Variants in ADGRB3 observed in about 807,000 individuals in gnomAD.
ADGRB3 encodes the protein adhesion G protein-coupled receptor B3.
Under a neutral mutation model 193.4 loss-of-function variants are expected in ADGRB3, and 37 were observed. The observed-to-expected ratio is 0.19, with a 90% CI of 0.15 to 0.25. The LOEUF is 0.25. Among genes scored for constraint, ADGRB3 ranks in the 10% least tolerant of loss-of-function variants. The pLI, the probability that ADGRB3 is intolerant of heterozygous loss-of-function variation, is 1.00. For missense variants in ADGRB3, 1,637 were observed against 1,852.9 expected (o/e 0.88, Z 2.14); for synonymous variants, 690 against 644.2 (o/e 1.07, Z -1.08).
chr6:68,869,481 G>T (rs138841392), intron 3 of ADGRB3, among the ~76,000 whole-genome samples: 57 of 152,198 alleles, frequency 3.7e-4, no homozygotes, highest in African/African-American at 1.3e-3. Flanking sequence ...GAGAAATCAT[G>T]CAAGAACATC....
intron 24 of ADGRB3, among the ~76,000 whole-genome samples, chr6:69,336,110 C>T (rs902143857): frequency 6.6e-6 from 1 of 151,700 alleles, no homozygotes; most frequent in African/African-American, 2.4e-5. Flanking sequence ...CACAGATAAA[C>T]TTGTGTCTCA....
intron 11 of ADGRB3, among the ~76,000 whole-genome samples, chr6:68,995,075 A>G (rs1430467111): frequency 6.6e-6 from 1 of 152,136 alleles, no homozygotes; most frequent in African/African-American, 2.4e-5. Flanking sequence ...ATATTAAATC[A>G]CCACTGTCCG....
chr6:69,107,134 G>A (rs1773238013), intron 17 of ADGRB3, among the ~76,000 whole-genome samples: 1 of 152,084 alleles, frequency 6.6e-6, no homozygotes, highest in South Asian at 2.1e-4. Flanking sequence ...CAAAACAATA[G>A]CCACTATGAC....
At chr6:68,925,511 G>A (rs2150244081) in intron 3 of ADGRB3, among the ~76,000 whole-genome samples, 1 of 152,040 alleles carries the variant, frequency 6.6e-6, no homozygotes, top group East Asian at 1.9e-4. Context: ...TCTTTCACCT[G>A]TCAGCAAATC....
chr6:68,731,295 A>AT (rs1369822917), intron 3 of ADGRB3, among the ~76,000 whole-genome samples: 6 of 151,456 alleles, frequency 4.0e-5, no homozygotes, highest in African/African-American at 7.2e-5. Context: ...TATTGTAAAC[A>AT]TTTTTTTTCC....
chr6:69,049,872 A>G (rs1455493369), intron 15 of ADGRB3, among the ~76,000 whole-genome samples: 3 of 152,188 alleles, frequency 2.0e-5, no homozygotes, highest in Non-Finnish European at 2.9e-5. Flanking sequence ...GAAATCTATT[A>G]ATTTCTTTCC....
intron 3 of ADGRB3, among the ~76,000 whole-genome samples, chr6:68,710,181 T>C (rs554736181): frequency 6.6e-6 from 1 of 152,266 alleles, no homozygotes; most frequent in Admixed American, 6.5e-5. Context: ...AATGCTTTTG[T>C]AGAAAAGTGT....
Position 68,980,119 on chromosome 6 carries a change from A to G in ADGRB3, c.1734+4779A>G, listed in dbSNP as rs1431115586. 1.3e-5 allele frequency among the ~76,000 whole-genome samples: 2 copies of G among 151,610 alleles called. 1 individual carries two copies. Among genetic ancestry groups the G allele is most frequent in the Non-Finnish European group, 3.0e-5 (2 of 67,700 alleles). ...AATGGAAGCTCTTCCATAGGGAAATATGAAGAGTTAGGTATAAATATCCCC... is the reference window on the plus strand; with the variant it reads ...AATGGAAGCTCTTCCATAGGGAAATGTGAAGAGTTAGGTATAAATATCCCC... On this transcript the variant is annotated intron_variant, in intron 10 of 31. Coordinates refer to ENST00000370598, the MANE Select transcript of ADGRB3 (RefSeq NM_001704.3).
chr6:68,814,869 G>T (rs1417114171), intron 3 of ADGRB3, among the ~76,000 whole-genome samples: 1 of 152,074 alleles, frequency 6.6e-6, no homozygotes, highest in Non-Finnish European at 1.5e-5. Flanking sequence ...CATATAATCA[G>T]AACCAACGAC....
rs201301230 is a variant in ADGRB3, at chr6:69,031,519, C to CTCTTTCTTTCTT, written c.2107+13042_2107+13053dup. On this transcript the variant is annotated intron_variant, in intron 13 of 31. Transcript: ENST00000370598. ...CACAAACATTTTGAATTTGAGTTGTCTCTTTCTTTCTTTCTTTCTTTCTTT... is the reference window on the plus strand; with the variant it reads ...CACAAACATTTTGAATTTGAGTTGTCTCTTTCTTTCTTTCTTTCTTTCTTTCTTTCTTTCTTT... Among the ~76,000 whole-genome samples, 56 of 21,268 alleles carry CTCTTTCTTTCTT rather than the reference C, an allele frequency of 2.6e-3. 7 individuals carry two copies. The highest frequency in any genetic ancestry group is 6.6e-3 in the African/African-American group (56 of 8,430). The allele number at this position is 21,268 out of a possible 152,430, so 14.0% of individuals were successfully genotyped here.
intron 3 of ADGRB3, among the ~76,000 whole-genome samples, chr6:68,779,363 A>T (rs1169319505): frequency 6.6e-6 from 1 of 151,246 alleles, no homozygotes; most frequent in Non-Finnish European, 1.5e-5. Context: ...CCCCACAAAC[A>T]TGCCCCTTCC....
chr6:69,087,137 C>T (rs928564650), intron 17 of ADGRB3, among the ~76,000 whole-genome samples: 8 of 152,116 alleles, frequency 5.3e-5, no homozygotes, highest in African/African-American at 1.7e-4. Flanking sequence ...GAGAAACACC[C>T]AAGACTGCTC....
chr6:69,140,250 G>C (rs887611115), intron 17 of ADGRB3, among the ~76,000 whole-genome samples: 3 of 152,118 alleles, frequency 2.0e-5, no homozygotes, highest in Admixed American at 2.0e-4. Context: ...CAGTTCATGG[G>C]AATTGTCACT....
chr6:69,035,939 A>G (rs1407942999), intron 13 of ADGRB3, among the ~76,000 whole-genome samples: 1 of 152,182 alleles, frequency 6.6e-6, no homozygotes, highest in African/African-American at 2.4e-5. Flanking sequence ...GCATATTTTG[A>G]TGAAGAGTGG....
intron 3 of ADGRB3, among the ~76,000 whole-genome samples, chr6:68,734,133 T>A (rs902288902): frequency 6.6e-6 from 1 of 152,012 alleles, no homozygotes; most frequent in African/African-American, 2.4e-5. Flanking sequence ...ATCATAAATA[T>A]GTAAACATAC....
At chr6:68,718,791 G>A (rs1401543174) in intron 3 of ADGRB3, among the ~76,000 whole-genome samples, 1 of 151,722 alleles carries the variant, frequency 6.6e-6, no homozygotes, top group Non-Finnish European at 1.5e-5. Context: ...AGAGCAAGAG[G>A]TTGGCAAATT....
At chr6:68,682,609 C>T (rs1276495709) in intron 3 of ADGRB3, among the ~76,000 whole-genome samples, 1 of 152,064 alleles carries the variant, frequency 6.6e-6, no homozygotes, top group East Asian at 1.9e-4. Context: ...TCAGACTATG[C>T]TGTTAGCAGC....
chr6:69,085,641 C>A (rs1772525886), intron 17 of ADGRB3, among the ~76,000 whole-genome samples: 1 of 151,124 alleles, frequency 6.6e-6, no homozygotes. Flanking sequence ...TTGATATTTC[C>A]TTTTCTTATT....
chr6:68,914,206 C>A (rs1315380476), intron 3 of ADGRB3, among the ~76,000 whole-genome samples: 7 of 149,632 alleles, frequency 4.7e-5, no homozygotes, highest in Admixed American at 1.3e-4. Context: ...CACAAAGATA[C>A]TCCTCGAGAA....
Sources: allele counts gnomAD v4.1 joint callset (sites outside exome capture counted in the v4.1 genomes callset), GRCh38; gene constraint gnomAD v4.1.1; transcripts MANE v1.5; gene names NCBI Gene and HGNC (gene_info 2026-07-23, HGNC 2026-07-21).